Variants in NPSR1 observed in about 807,000 individuals in gnomAD.
NPSR1 encodes the protein neuropeptide S receptor 1.
NPSR1 carries 48 observed loss-of-function variants against 46.9 expected under a neutral mutation model. That is an observed-to-expected ratio of 1.02 (90% confidence interval 0.81 to 1.30). The LOEUF (loss-of-function observed/expected upper bound fraction) is 1.30. NPSR1 is among the 50% of genes most tolerant of loss of function. The probability of loss-of-function intolerance (pLI) is 0.00; values close to 1 mark genes in which losing one functional copy is unlikely to be tolerated. For synonymous variants in NPSR1, 176 were observed against 168.1 expected (o/e 1.05, Z -0.36); for missense variants, 450 against 449.5 (o/e 1.00, Z -0.01).
chr7:34,848,418 G>A, intron 7 of NPSR1, 65 bp from the exon 8 acceptor site: 5 of 1,457,480 alleles, frequency 3.4e-6, no homozygotes, highest in Non-Finnish European at 3.8e-6. Context: ...GTCCAGTCAG[G>A]ACCAACCAAA....
chr7:34,844,558 G>A (rs911128042), intron 6 of NPSR1, among the ~76,000 whole-genome samples: 1 of 152,082 alleles, frequency 6.6e-6, no homozygotes, highest in African/African-American at 2.4e-5. Context: ...GCATAGCCAG[G>A]GCTTAGAGAG....
At chr7:34,734,516 G>A (rs1045943448) in intron 2 of NPSR1, among the ~76,000 whole-genome samples, 1 of 152,106 alleles carries the variant, frequency 6.6e-6, no homozygotes, top group Non-Finnish European at 1.5e-5. Flanking sequence ...TAAGGTATAA[G>A]TTCCTCAAAT....
chr7:34,711,469 GA>G (rs1468058548), intron 2 of NPSR1: 2 of 152,204 alleles, frequency 1.3e-5, no homozygotes, highest in African/African-American at 4.8e-5. Context: ...GGGCTCATTA[GA>G]AGGATAAAAT....
intron 3 of NPSR1, among the ~76,000 whole-genome samples, chr7:34,803,917 T>G (rs893142088): frequency 1.3e-5 from 2 of 152,000 alleles, no homozygotes; most frequent in African/African-American, 4.8e-5. Context: ...ACCTATTCCT[T>G]GAAAAGCTCA....
chr7:34,849,795 CTAA>C lies in NPSR1; in HGVS notation c.*142_*144del. The C allele has an allele frequency of 1.4e-6, 2 of 1,476,322 alleles. No individual in the cohort carries two copies. Among genetic ancestry groups the C allele is most frequent in the South Asian group, 2.8e-5 (2 of 72,074 alleles). 91.5% of individuals were successfully genotyped at this position (1,476,322 alleles called of 1,614,324 possible). A position where few individuals can be genotyped will look rare whatever the true frequency, so the allele number is the denominator to read the frequency against. On this transcript the variant is annotated 3_prime_UTR_variant, in exon 9 of 9. Coordinates refer to ENST00000360581, the MANE Select transcript of NPSR1 (RefSeq NM_207172.2). ...CTGGGAGATGCACAAGACAAATGTT[CTAA>C]TGACTGCATGCACTGCTTAAGTATT...
rs1036710580 is a variant in NPSR1 at position 34,861,130 on chromosome 7, G to A, written c.1025+12467G>A. 9.9e-5 allele frequency among the ~76,000 whole-genome samples: 15 copies of A among 151,904 alleles called. 2 individuals are homozygous for A. Among genetic ancestry groups the A allele is most frequent in the African/African-American group, 2.4e-4 (10 of 41,142 alleles). On this transcript the variant is annotated intron_variant, in intron 8 of 8. Coordinates refer to the NPSR1 transcript ENST00000359791. ...CCTGGTGATTAAACCCGCCTCTGCC[G>A]GAGGCAAAAGCCCAATGCCCTACTC... is the stretch of plus-strand genomic sequence containing the variant.
chr7:34,658,358 A>C lies in NPSR1; in HGVS notation c.-55A>C. ...GCCCAGCTCTCAGGAGGCAAGCTGG[A>C]CTCCCTCACTCAGCTGCAGGAGCAA... On this transcript the variant is annotated 5_prime_UTR_variant, in exon 1 of 9. Coordinates refer to ENST00000360581, the MANE Select transcript of NPSR1 (RefSeq NM_207172.2). The C allele has an allele frequency of 6.3e-7, 1 of 1,598,626 alleles. No individual in the cohort carries two copies. Among genetic ancestry groups the C allele is most frequent in the Non-Finnish European group, 8.5e-7 (1 of 1,171,272 alleles).
chr7:34,826,887 C>CAAAA (rs58951477), intron 4 of NPSR1, among the ~76,000 whole-genome samples: 4 of 140,818 alleles, frequency 2.8e-5, no homozygotes, highest in Middle Eastern at 3.8e-3. Context: ...ATGTTCCTAC[C>CAAAA]AAAAAAAAAA....
At chr7:34,802,793 G>T (rs1788485674) in intron 3 of NPSR1, among the ~76,000 whole-genome samples, 1 of 150,256 alleles carries the variant, frequency 6.7e-6, no homozygotes, top group Non-Finnish European at 1.5e-5. Context: ...TACAAAATGG[G>T]AGACAATTTT....
chr7:34,689,645 G>GA (rs1464329156), intron 2 of NPSR1, among the ~76,000 whole-genome samples: 8 of 102,694 alleles, frequency 7.8e-5, no homozygotes, highest in Non-Finnish European at 1.5e-4. Context: ...GAAAAGAAAA[G>GA]AAAGAAAGAA....
chr7:34,691,513 G>A (rs557450306), intron 2 of NPSR1, among the ~76,000 whole-genome samples: 1 of 152,116 alleles, frequency 6.6e-6, no homozygotes, highest in South Asian at 2.1e-4. Flanking sequence ...GTAAAGGGGT[G>A]GGAAAATATA....
chr7:34,859,564 C>A (rs565306917), intron 8 of NPSR1, among the ~76,000 whole-genome samples: 16 of 151,714 alleles, frequency 1.1e-4, no homozygotes, highest in Admixed American at 5.2e-4. Flanking sequence ...AACTAATCAC[C>A]AAAGCTTGGG....
intron 2 of NPSR1, among the ~76,000 whole-genome samples, chr7:34,770,605 TG>T (rs1442402171): frequency 6.6e-6 from 1 of 151,988 alleles, no homozygotes; most frequent in Non-Finnish European, 1.5e-5. Context: ...TTCAATAGGC[TG>T]GAAAATGGGG....
At chr7:34,865,010 A>G (rs756184421) in intron 8 of NPSR1, among the ~76,000 whole-genome samples, 6 of 151,654 alleles carry the variant, frequency 4.0e-5, no homozygotes, top group Non-Finnish European at 7.4e-5. Context: ...CCCTCCTAAT[A>G]TGGTCCATAA....
intron 2 of NPSR1, among the ~76,000 whole-genome samples, chr7:34,711,794 A>AG (rs1783301896): frequency 6.6e-6 from 1 of 152,196 alleles, no homozygotes; most frequent in Non-Finnish European, 1.5e-5. Context: ...CAGGCTTCCT[A>AG]GGGGAGTGTT....
At chr7:34,780,276 A>G (rs1480086958) in intron 3 of NPSR1, among the ~76,000 whole-genome samples, 1 of 152,174 alleles carries the variant, frequency 6.6e-6, no homozygotes, top group African/African-American at 2.4e-5. Context: ...TGGCAACCAC[A>G]CTATCTTCAT....
chr7:34,805,256 C>A (rs1276856143), intron 3 of NPSR1, among the ~76,000 whole-genome samples: 1 of 151,736 alleles, frequency 6.6e-6, no homozygotes, highest in African/African-American at 2.4e-5. Flanking sequence ...GTTTGAACAA[C>A]CAACACTACC....
intron 2 of NPSR1, among the ~76,000 whole-genome samples, chr7:34,755,872 T>A (rs1785811480): frequency 6.6e-6 from 1 of 152,218 alleles, no homozygotes. Context: ...CATATATGTT[T>A]GCTTTTAATC....
intron 2 of NPSR1, among the ~76,000 whole-genome samples, chr7:34,708,439 T>C (rs1271520165): frequency 6.6e-6 from 1 of 152,116 alleles, no homozygotes; most frequent in Non-Finnish European, 1.5e-5. Context: ...CCAAAACACA[T>C]GGGCTGAACA....
Sources: gnomAD v4.1 joint callset for allele counts (sites outside exome capture counted in the v4.1 genomes callset) on GRCh38, gnomAD v4.1.1 for gene constraint, MANE v1.5 for transcripts, NCBI Gene and HGNC (gene_info 2026-07-23, HGNC 2026-07-21) for gene names.